MTERF4: variants seen among roughly 807,000 people sequenced by gnomAD.
MTERF4 encodes transcription termination factor 4, mitochondrial.
In MTERF4, 17 loss-of-function variants were observed where a neutral mutation model predicts 22.5. The observed-to-expected ratio is 0.75, with a 90% CI of 0.52 to 1.13. The LOEUF is 1.13. Among genes scored for constraint, MTERF4 ranks in the 50% most tolerant of loss-of-function variants. The pLI, the probability that MTERF4 is intolerant of heterozygous loss-of-function variation, is 0.00. For synonymous variants in MTERF4, 165 were observed against 175.3 expected, an observed-to-expected ratio of 0.94 and a Z score of 0.47; for missense variants, 420 against 466.8, an observed-to-expected ratio of 0.90 and a Z score of 0.92.
chr2:241,046,449 T>C, the MTERF4 span, among the ~76,000 whole-genome samples: 3 of 152,226 alleles, frequency 2.0e-5, no homozygotes, highest in Non-Finnish European at 4.4e-5. Flanking sequence ...AACCTCTGTA[T>C]GGTGGAATAC....
In MTERF4 at chr2:241,075,104, C is replaced by G. The variant is rs2062957607; in HGVS notation, n.1058G>C. ...GGCGGCTGCGGCTTATTCACACCTA[C>G]TATTGAGCACAGAGTCCACTGAGTG... On this transcript the variant is annotated non_coding_transcript_exon_variant, in exon 5 of 5. Coordinates refer to the MTERF4 transcript ENST00000464344. This position sits in a 1 kb window ranked among gnomAD's most constrained non-coding sequence, Gnocchi z 4.8. 6.6e-6 allele frequency: 1 copy of G among 152,222 alleles called. No individual in the cohort carries two copies. Among genetic ancestry groups the G allele is most frequent in the Non-Finnish European group, 1.5e-5 (1 of 68,044 alleles). 9.4% of individuals were successfully genotyped at this position (152,222 alleles called of 1,614,324 possible). A position where few individuals can be genotyped will look rare whatever the true frequency, so the allele number is the denominator to read the frequency against.
At chr2:241,074,464 C>T (rs1249954634) in exon 5 of MTERF4, 1 of 152,188 alleles carries the variant, frequency 6.6e-6, no homozygotes, top group Non-Finnish European at 1.5e-5. Flanking sequence ...AACATTTCAT[C>T]AGATGATTTG....
downstream of MTERF4, chr2:241,071,565 C>G: frequency 6.3e-7 from 1 of 1,576,146 alleles, no homozygotes; most frequent in Non-Finnish European, 8.6e-7. Context: ...TTCCTCCTGC[C>G]TGCTCTGCAG....
downstream of MTERF4, chr2:241,090,123 T>C: frequency 1.3e-6 from 2 of 1,486,630 alleles, no homozygotes; most frequent in African/African-American, 1.4e-5. Flanking sequence ...TAACTCTTTT[T>C]AATAACAGCT....
At chr2:241,094,551 C>T (rs1254315052), downstream of MTERF4, 2 of 365,674 alleles carry the variant, frequency 5.5e-6, no homozygotes, top group Non-Finnish European at 1.1e-5. The surrounding 1 kb of genome is among the most constrained non-coding windows in gnomAD (Gnocchi z 4.3). Context: ...AAACCAGCTC[C>T]TTATTTTTCT....
chr2:241,055,121 A>G, the MTERF4 span, among the ~76,000 whole-genome samples: 1 of 152,106 alleles, frequency 6.6e-6, no homozygotes, highest in Admixed American at 6.5e-5. Flanking sequence ...TGTCTCAAAA[A>G]AAAAAAAGAA....
the MTERF4 span, among the ~76,000 whole-genome samples, chr2:241,056,809 C>G: frequency 1.1e-4 from 17 of 151,080 alleles, no homozygotes. Flanking sequence ...TCTCGATCTC[C>G]TGACCTCGTG....
the MTERF4 span, chr2:241,065,000 TCC>T: frequency 7.0e-7 from 1 of 1,438,640 alleles, no homozygotes; most frequent in South Asian, 1.3e-5. This position sits in a 1 kb window ranked among gnomAD's most constrained non-coding sequence, Gnocchi z 7.0. Context: ...CACGAGGGGG[TCC>T]CCTCTCCCTA....
downstream of MTERF4, among the ~76,000 whole-genome samples, chr2:241,089,639 C>T (rs548874680): frequency 3.9e-5 from 6 of 152,288 alleles, no homozygotes; most frequent in South Asian, 6.2e-4. Flanking sequence ...AATCACTTCC[C>T]GCTCCCACCT....
the MTERF4 span, among the ~76,000 whole-genome samples, chr2:241,050,913 G>A: frequency 8.5e-5 from 13 of 152,288 alleles, no homozygotes; most frequent in South Asian, 2.1e-4. Flanking sequence ...TTCTGTGCCC[G>A]CCCCAGGAAC....
At chr2:241,072,060 T>A, downstream of MTERF4, 1 of 708,694 alleles carries the variant, frequency 1.4e-6, no homozygotes, top group Non-Finnish European at 2.6e-6. Flanking sequence ...AGCATGCACC[T>A]CCATGGCAGG....
chr2:241,067,787 G>A (rs376137908), downstream of MTERF4: 9 of 1,610,798 alleles, frequency 5.6e-6, no homozygotes, highest in East Asian at 2.2e-5. Context: ...GGAAGGCTTC[G>A]AGGTCACCAA....
the MTERF4 span, among the ~76,000 whole-genome samples, chr2:241,061,382 A>G: frequency 4.7e-3 from 723 of 152,392 alleles, 2 homozygotes; most frequent in African/African-American, 0.016. Context: ...ATGTGGATCA[A>G]CAAGATTTCT....
chr2:241,063,880 G>T, the MTERF4 span: 1 of 775,710 alleles, frequency 1.3e-6, no homozygotes, highest in South Asian at 1.7e-5. Context: ...GCTGAGGGGC[G>T]GGACCTGCCC....
the MTERF4 span, chr2:241,048,929 A>C: frequency 7.8e-7 from 1 of 1,275,520 alleles, no homozygotes; most frequent in East Asian, 2.5e-5. Context: ...TGTTGGGGCC[A>C]CTGGGTCTTG....
At chr2:241,072,017 G>A, downstream of MTERF4, 1 of 814,336 alleles carries the variant, frequency 1.2e-6, no homozygotes, top group Non-Finnish European at 2.1e-6. Context: ...CACCCCGACT[G>A]TGCACAAGGC....
At chr2:241,044,977 GTTAC>G in the MTERF4 span, among the ~76,000 whole-genome samples, 1 of 152,162 alleles carries the variant, frequency 6.6e-6, no homozygotes, top group South Asian at 2.1e-4. Context: ...ACTCCATAAA[GTTAC>G]TTATGAACTC....
the MTERF4 span, among the ~76,000 whole-genome samples, chr2:241,066,950 G>A: frequency 6.6e-6 from 1 of 152,230 alleles, no homozygotes; most frequent in African/African-American, 2.4e-5. Context: ...AGCACACCTC[G>A]GCCAGTGGAG....
intron 4 of MTERF4, among the ~76,000 whole-genome samples, chr2:241,079,411 C>CAA (rs757361914): frequency 5.4e-5 from 4 of 74,448 alleles, no homozygotes; most frequent in African/African-American, 4.6e-5. Context: ...GACTCCATCT[C>CAA]AAAAAAAAAA....
Sources: allele counts gnomAD v4.1 joint callset (sites outside exome capture counted in the v4.1 genomes callset), GRCh38; gene constraint gnomAD v4.1.1; non-coding constraint Gnocchi (gnomAD v3.1); transcripts MANE v1.5; gene names NCBI Gene and HGNC (gene_info 2026-07-23, HGNC 2026-07-21).